The following FAM13B variants were observed in gnomAD, a reference collection of about 807,000 sequenced individuals.
FAM13B encodes the protein family with sequence similarity 13 member B.
In FAM13B, 60 loss-of-function variants were observed where a neutral mutation model predicts 117.3. The ratio of observed to expected loss-of-function variants is 0.51; its 90% CI spans 0.42 to 0.63. FAM13B has a LOEUF of 0.63. Among genes scored for constraint, FAM13B ranks in the 30% least tolerant of loss-of-function variants. The pLI is 0.00. For missense variants in FAM13B, 972 were observed against 1,091.9 expected (o/e 0.89, Z 1.55); for synonymous variants, 332 against 356.1 (o/e 0.93, Z 0.76).
At position 138,006,982 on chromosome 5, in the gene FAM13B, G is replaced by A. The variant is rs1214920929; in HGVS notation, c.848+8C>T. 1.3e-6 allele frequency: 2 copies of A among 1,598,954 alleles called. No homozygotes were observed. ...CAAAAGCTAAAGTTCATTCAACTGA[G>A]CTATTACCTTGTTGCCGTAACACTA... On this transcript the variant is annotated splice_region_variant and intron_variant, in intron 7 of 23. Transcript: ENST00000689681.
At chr5:137,969,557 C>G (rs2150378242) in intron 10 of FAM13B, among the ~76,000 whole-genome samples, 1 of 152,358 alleles carries the variant, frequency 6.6e-6, no homozygotes, top group Middle Eastern at 3.4e-3. Context: ...GAGCACCTCT[C>G]CTCCTCCAAA....
chr5:138,011,471 T>C (rs1477688554), intron 5 of FAM13B, among the ~76,000 whole-genome samples: 1 of 151,822 alleles, frequency 6.6e-6, no homozygotes, highest in Non-Finnish European at 1.5e-5. Flanking sequence ...CAGGCTGGAG[T>C]GCATTGGCGC....
intron 1 of FAM13B, among the ~76,000 whole-genome samples, chr5:138,044,166 C>G (rs553281356): frequency 2.0e-5 from 3 of 151,848 alleles, no homozygotes; most frequent in Admixed American, 6.6e-5. Flanking sequence ...TGGCCTCAAG[C>G]GATCCTCCCA....
rs1263913375 is a variant in FAM13B, at chr5:138,011,262, T to C, written c.549-113A>G. ...ATGGGCAATTTATGTTACCATTCTGTGCTTCCATTCTCCCATCTGTAAAAC... is the reference window on the plus strand; with the variant it reads ...ATGGGCAATTTATGTTACCATTCTGCGCTTCCATTCTCCCATCTGTAAAAC... On this transcript the variant is annotated intron_variant, in intron 5 of 23. Transcript: ENST00000689681. 1.3e-5 allele frequency: 13 copies of C among 968,320 alleles called. 1 individual carries two copies. In the South Asian group the frequency reaches 1.7e-4, roughly 13 times the overall value. The allele number at this position is 968,320 out of a possible 1,614,324, so 60.0% of individuals were successfully genotyped here.
intron 7 of FAM13B, among the ~76,000 whole-genome samples, chr5:138,004,960 G>A (rs573267342): frequency 1.3e-5 from 2 of 152,296 alleles, no homozygotes; most frequent in African/African-American, 4.8e-5. Context: ...ATTAGAGGCC[G>A]GGTGCAGTGG....
At chr5:137,957,227 T>C (rs1035926197) in intron 13 of FAM13B, among the ~76,000 whole-genome samples, 2 of 152,068 alleles carry the variant, frequency 1.3e-5, no homozygotes, top group African/African-American at 4.8e-5. Flanking sequence ...CTTAAATAAA[T>C]AAGACTTTTT....
chr5:137,969,803 C>T (rs190583415), intron 10 of FAM13B, among the ~76,000 whole-genome samples: 4 of 151,960 alleles, frequency 2.6e-5, no homozygotes, highest in Admixed American at 6.6e-5. Context: ...TCGAGAACTA[C>T]GTGAAGAATG....
intron 1 of FAM13B, among the ~76,000 whole-genome samples, chr5:138,038,115 G>C (rs1791332051): frequency 6.6e-6 from 1 of 152,140 alleles, no homozygotes; most frequent in African/African-American, 2.4e-5. Flanking sequence ...TTATTGCCAG[G>C]AATGAGGCCC....
chr5:137,960,010 A>G (rs1171111841), intron 12 of FAM13B, among the ~76,000 whole-genome samples, 156 bp downstream of exon 12: 2 of 152,208 alleles, frequency 1.3e-5, no homozygotes, highest in Non-Finnish European at 2.9e-5. Flanking sequence ...TCTTGTAACC[A>G]AAAGTGGCAA....
intron 1 of FAM13B, among the ~76,000 whole-genome samples, chr5:138,040,815 G>A (rs1192883422): frequency 1.3e-5 from 2 of 152,122 alleles, no homozygotes; most frequent in African/African-American, 4.8e-5. Flanking sequence ...TGTAATCCCA[G>A]CACTCTGGGA....
intron 7 of FAM13B, 83 bp downstream of exon 7, chr5:138,006,907 A>T: frequency 7.7e-7 from 1 of 1,297,982 alleles, no homozygotes; most frequent in South Asian, 1.8e-5. Flanking sequence ...ATATAGTTAC[A>T]GTTTGTGTTT....
chr5:138,049,819 A>C (rs986057856), intron 1 of FAM13B, among the ~76,000 whole-genome samples: 2 of 152,270 alleles, frequency 1.3e-5, no homozygotes, highest in Non-Finnish European at 2.9e-5. Context: ...GGGATCCAGA[A>C]TATCTAATAA....
At chr5:137,995,795 A>G (rs966947921) in intron 7 of FAM13B, among the ~76,000 whole-genome samples, 1 of 152,214 alleles carries the variant, frequency 6.6e-6, no homozygotes, top group Non-Finnish European at 1.5e-5. Flanking sequence ...CAGGAGACGG[A>G]AAAGAGGGAG....
chr5:138,026,672 G>A (rs930515112), intron 1 of FAM13B, among the ~76,000 whole-genome samples: 2 of 72,406 alleles, frequency 2.8e-5, no homozygotes, highest in African/African-American at 3.9e-5. Flanking sequence ...AGGCACTGTG[G>A]CTCACACCTG....
At chr5:138,027,048 T>C (rs1336119087) in intron 1 of FAM13B, among the ~76,000 whole-genome samples, 2 of 152,082 alleles carry the variant, frequency 1.3e-5, no homozygotes, top group African/African-American at 2.4e-5. Flanking sequence ...GATGGAAGAA[T>C]TTCTAGAGCC....
chr5:137,947,134 A>G (rs1325146171), intron 18 of FAM13B, among the ~76,000 whole-genome samples: 1 of 152,274 alleles, frequency 6.6e-6, no homozygotes, highest in Non-Finnish European at 1.5e-5. Flanking sequence ...AGGATCAACT[A>G]TTAACACCTG....
upstream of FAM13B, among the ~76,000 whole-genome samples, chr5:138,034,809 T>A (rs1790931440): frequency 6.6e-6 from 1 of 152,038 alleles, no homozygotes; most frequent in Non-Finnish European, 1.5e-5. Flanking sequence ...AGCAATATGA[T>A]TGCTTCAAAA....
intron 18 of FAM13B, among the ~76,000 whole-genome samples, chr5:137,947,769 G>C (rs764716705): frequency 6.6e-6 from 1 of 152,078 alleles, no homozygotes; most frequent in Non-Finnish European, 1.5e-5. Flanking sequence ...ATTTTTAGTA[G>C]AGATGGGGTT....
chr5:137,982,995 C>G (rs1776196057), intron 10 of FAM13B, among the ~76,000 whole-genome samples: 1 of 151,806 alleles, frequency 6.6e-6, no homozygotes, highest in African/African-American at 2.4e-5. Context: ...ACTCGAGATA[C>G]AAATTTGGGA....
Sources: gnomAD v4.1 joint callset for allele counts (sites outside exome capture counted in the v4.1 genomes callset) on GRCh38, gnomAD v4.1.1 for gene constraint, MANE v1.5 for transcripts, NCBI Gene and HGNC (gene_info 2026-07-23, HGNC 2026-07-21) for gene names.